Variants in COL26A1 observed in about 807,000 individuals in gnomAD.
The protein encoded by COL26A1 is collagen alpha-1(XXVI) chain.
A neutral mutation model predicts 59.3 loss-of-function variants in COL26A1; 41 were observed. The observed-to-expected ratio is 0.69, with a 90% confidence interval of 0.54 to 0.90. COL26A1 has a LOEUF of 0.90. Ranked by LOEUF, COL26A1 falls within the 40% of genes least tolerant of loss-of-function variation. The pLI is 0.00. For missense variants in COL26A1, 612 were observed against 602.3 expected (o/e 1.02, Z -0.17); for synonymous variants, 266 against 256.0 (o/e 1.04, Z -0.37).
At chr7:101,457,894 CTTT>C (rs747999760) in intron 3 of COL26A1, among the ~76,000 whole-genome samples, 1 of 113,692 alleles carries the variant, frequency 8.8e-6, no homozygotes. Context: ...TATAGCTTAA[CTTT>C]TTTTTTTTTT....
At chr7:101,461,230 A>G (rs1793602520) in intron 3 of COL26A1, among the ~76,000 whole-genome samples, 1 of 151,862 alleles carries the variant, frequency 6.6e-6, no homozygotes, top group South Asian at 2.1e-4. Context: ...GTCTCAAGCA[A>G]TTCTCTTGCT....
chr7:101,482,346 C>CT (rs1181740194), intron 3 of COL26A1, among the ~76,000 whole-genome samples: 5 of 152,136 alleles, frequency 3.3e-5, no homozygotes, highest in Non-Finnish European at 7.4e-5. Flanking sequence ...TTATGTAGCT[C>CT]AGCATGAGGC....
chr7:101,538,689 C>T (rs910810944), intron 4 of COL26A1, among the ~76,000 whole-genome samples: 3 of 152,168 alleles, frequency 2.0e-5, no homozygotes, highest in African/African-American at 7.2e-5. Flanking sequence ...GGGGGCCCAG[C>T]CAGAACCCTG....
At chr7:101,379,475 C>G (rs752461658) in intron 1 of COL26A1, among the ~76,000 whole-genome samples, 45 of 152,140 alleles carry the variant, frequency 3.0e-4, no homozygotes, top group Non-Finnish European at 6.0e-4. Context: ...CTTTCACCCT[C>G]CAGATCCTTC....
At chr7:101,511,464 G>A (rs1213136366) in intron 3 of COL26A1, among the ~76,000 whole-genome samples, 1 of 152,350 alleles carries the variant, frequency 6.6e-6, no homozygotes, top group East Asian at 1.9e-4. Flanking sequence ...CAGGGGCTGA[G>A]CCCTTGTGGG....
chr7:101,499,236 C>G (rs57443980), intron 3 of COL26A1, among the ~76,000 whole-genome samples: 3,084 of 152,210 alleles, frequency 0.02, 105 homozygotes, highest in African/African-American at 0.07. Context: ...GGCGTTAGGA[C>G]TCTTGATTTA....
At chr7:101,437,127 G>A (rs974849264) in intron 2 of COL26A1, among the ~76,000 whole-genome samples, 1 of 152,184 alleles carries the variant, frequency 6.6e-6, no homozygotes, top group Non-Finnish European at 1.5e-5. Flanking sequence ...CAGTGGCTCC[G>A]TGGAGAAGGA....
At chr7:101,522,472 G>A (rs1019475686) in intron 3 of COL26A1, among the ~76,000 whole-genome samples, 4 of 152,202 alleles carry the variant, frequency 2.6e-5, no homozygotes, top group African/African-American at 9.7e-5. Flanking sequence ...GGCATCTGGT[G>A]AGGCTTCCTC....
intron 1 of COL26A1, among the ~76,000 whole-genome samples, chr7:101,383,783 C>A (rs1791503015): frequency 6.6e-6 from 1 of 152,202 alleles, no homozygotes; most frequent in Non-Finnish European, 1.5e-5. Flanking sequence ...GATCCACCTG[C>A]CTCGGCCTCC....
chr7:101,496,566 A>G (rs1158694831), intron 3 of COL26A1, among the ~76,000 whole-genome samples: 12 of 152,136 alleles, frequency 7.9e-5, no homozygotes, highest in Admixed American at 7.9e-4. Flanking sequence ...GGGGTCTTCA[A>G]ACTCCACAGG....
chr7:101,461,636 T>C (rs1793615355), intron 3 of COL26A1, among the ~76,000 whole-genome samples: 1 of 152,054 alleles, frequency 6.6e-6, no homozygotes, highest in African/African-American at 2.4e-5. Flanking sequence ...TGGGGCTAAT[T>C]TCACACATTG....
chr7:101,496,552 C>T (rs1434900974), intron 3 of COL26A1, among the ~76,000 whole-genome samples: 1 of 152,138 alleles, frequency 6.6e-6, no homozygotes, highest in Admixed American at 6.6e-5. Flanking sequence ...TCCTCTTCCT[C>T]TGTGGGGTCT....
chr7:101,499,545 A>G (rs565833031), intron 3 of COL26A1, among the ~76,000 whole-genome samples: 3 of 152,166 alleles, frequency 2.0e-5, no homozygotes, highest in Admixed American at 2.0e-4. Context: ...TTGGCTGGGC[A>G]TGGTGGCGCA....
intron 3 of COL26A1, among the ~76,000 whole-genome samples, chr7:101,451,808 G>T (rs1021809668): frequency 6.6e-6 from 1 of 151,288 alleles, no homozygotes; most frequent in Non-Finnish European, 1.5e-5. Context: ...GGGTTCAAGC[G>T]ATTGTCCCAC....
At chr7:101,395,539 G>A (rs1257245969) in intron 1 of COL26A1, among the ~76,000 whole-genome samples, 3 of 152,170 alleles carry the variant, frequency 2.0e-5, no homozygotes, top group Admixed American at 6.5e-5. Flanking sequence ...AGGGGTTCCT[G>A]GGAAAAAAGC....
intron 3 of COL26A1, among the ~76,000 whole-genome samples, chr7:101,467,177 AG>A (rs1367622377): frequency 6.6e-6 from 1 of 152,004 alleles, no homozygotes; most frequent in African/African-American, 2.4e-5. Context: ...CATTATTGTC[AG>A]GGGTAAATAC....
At chr7:101,522,194 G>C (rs1795153866) in intron 3 of COL26A1, among the ~76,000 whole-genome samples, 1 of 152,032 alleles carries the variant, frequency 6.6e-6, no homozygotes, top group Non-Finnish European at 1.5e-5. Context: ...TGGTCAGCTG[G>C]CTCCTAATTA....
At chr7:101,534,309 G>C in intron 4 of COL26A1, among the ~76,000 whole-genome samples, 1 of 152,022 alleles carries the variant, frequency 6.6e-6, no homozygotes, top group Non-Finnish European at 1.5e-5. Context: ...GACCTGAGAC[G>C]GTGGGGCTGG....
chr7:101,462,252 C>A (rs1046227782), intron 3 of COL26A1, among the ~76,000 whole-genome samples: 2 of 152,040 alleles, frequency 1.3e-5, no homozygotes, highest in African/African-American at 4.8e-5. Flanking sequence ...CCCGCCTTGG[C>A]CTCCCAGAGT....
Sources: gnomAD v4.1 joint callset for allele counts (sites outside exome capture counted in the v4.1 genomes callset) on GRCh38, gnomAD v4.1.1 for gene constraint, MANE v1.5 for transcripts, NCBI Gene and HGNC (gene_info 2026-07-23, HGNC 2026-07-21) for gene names.